CARHSP1: variants seen among roughly 807,000 people sequenced by gnomAD.
CARHSP1 encodes the protein calcium regulated heat stable protein 1.
Under a neutral mutation model 12.5 loss-of-function variants are expected in CARHSP1, and 14 were observed. That is an observed-to-expected ratio of 1.12 (90% confidence interval 0.74 to 1.75). The LOEUF is 1.75. Among genes scored for constraint, CARHSP1 ranks in the 40% most tolerant of loss-of-function variants. CARHSP1 has a pLI of 0.00. For missense variants in CARHSP1, 343 were observed against 201.6 expected (o/e 1.70, Z -4.25); for synonymous variants, 161 against 82.0 (o/e 1.96, Z -5.20).
chr16:8,856,416 T>C (rs2437704), intron 3 of CARHSP1, among the ~76,000 whole-genome samples: 106,415 of 152,128 alleles, frequency 0.7, 37,324 homozygotes, highest in Admixed American at 0.75. Context: ...ATCTGCAGCC[T>C]ACTTCCAGCA....
At chr16:8,859,452 A>G in intron 1 of CARHSP1, 117 bp from the exon 2 acceptor site, 3 of 901,664 alleles carry the variant, frequency 3.3e-6, no homozygotes, top group Middle Eastern at 3.0e-4. Flanking sequence ...CGGGCACCTC[A>G]GCACCATTGT....
rs183666666 is a variant in CARHSP1, at chr16:8,854,064, A to G, written c.*1100T>C. On this transcript the variant is annotated 3_prime_UTR_variant, in exon 4 of 4. Transcript: ENST00000311052. Reference sequence around the variant, plus strand: ...GGGCCACTGCACTCCAGCCTGGGTGACAGAATGAGACTCAGTCTCCCACCC... The same window carrying G: ...GGGCCACTGCACTCCAGCCTGGGTGGCAGAATGAGACTCAGTCTCCCACCC... 3 of 152,180 alleles carry G rather than the reference A, an allele frequency of 2.0e-5. No homozygotes were observed. The highest frequency in any genetic ancestry group is 4.4e-5 in the Non-Finnish European group (3 of 68,028). 9.4% of individuals were successfully genotyped at this position (152,180 alleles called of 1,614,324 possible). A position where few individuals can be genotyped will look rare whatever the true frequency, so the allele number is the denominator to read the frequency against.
At position 8,856,572 on chromosome 16, in the gene CARHSP1, A is replaced by G. The variant is rs867060283; in HGVS notation, c.282-1246T>C. ...ATCCATGTATGCATGCATATGTGAA[A>G]TGCGTCACCTTGGTATTCTCCTGCC... On this transcript the variant is annotated intron_variant, in intron 3 of 3. Coordinates refer to ENST00000311052, the MANE Select transcript of CARHSP1 (RefSeq NM_014316.4). Among the ~76,000 whole-genome samples the G allele has an allele frequency of 6.3e-5, 9 of 143,986 alleles. No individual in the cohort carries two copies. In the South Asian group the frequency reaches 2.2e-3, roughly 35 times the overall value. The allele number at this position is 143,986 out of a possible 152,430, so 94.5% of individuals were successfully genotyped here.
intron 2 of CARHSP1, 31 bp from the exon 3 acceptor site, chr16:8,858,503 C>T (rs1211011757): frequency 2.5e-6 from 4 of 1,609,138 alleles, no homozygotes; most frequent in South Asian, 2.2e-5. Flanking sequence ...TCAGGGGCCC[C>T]ATCAGCGCTC....
intron 1 of CARHSP1, among the ~76,000 whole-genome samples, chr16:8,862,345 C>G (rs2061380649): frequency 6.6e-6 from 1 of 152,138 alleles, no homozygotes; most frequent in Admixed American, 6.5e-5. Flanking sequence ...ACTGGGCACA[C>G]TGTCCGCCCA....
chr16:8,859,445 G>A lies in CARHSP1; in HGVS notation c.-7-110C>T, dbSNP rs1341631448. On this transcript the variant is annotated intron_variant, in intron 1 of 3. Transcript: ENST00000311052. ...AGTATCTGAGGCTCATTCCTCTCGG[G>A]CACCTCAGCACCATTGTCACCTTGT... 6.5e-6 allele frequency: 6 copies of A among 929,748 alleles called. No homozygotes were observed. In the Admixed American group the frequency reaches 1.1e-4, roughly 17 times the overall value. 57.6% of individuals were successfully genotyped at this position (929,748 alleles called of 1,614,324 possible). A position where few individuals can be genotyped will look rare whatever the true frequency, so the allele number is the denominator to read the frequency against.
chr16:8,855,569 A>T (rs528848309), intron 3 of CARHSP1, among the ~76,000 whole-genome samples: 8 of 152,320 alleles, frequency 5.3e-5, no homozygotes, highest in Non-Finnish European at 7.4e-5. Context: ...TGATGCTGGA[A>T]CTGAAAGAGT....
intron 1 of CARHSP1, among the ~76,000 whole-genome samples, chr16:8,862,332 A>G (rs2061380172): frequency 6.6e-6 from 1 of 152,028 alleles, no homozygotes; most frequent in Admixed American, 6.5e-5. Flanking sequence ...ATACACACTA[A>G]GCACTGGGCA....
chr16:8,867,096 C>T (rs968758137), intron 1 of CARHSP1, among the ~76,000 whole-genome samples: 16 of 152,168 alleles, frequency 1.1e-4, no homozygotes, highest in African/African-American at 3.9e-4. Context: ...CCGCCACCAC[C>T]CACCTGGGAC....
At chr16:8,855,943 G>A (rs1014745903) in intron 3 of CARHSP1, among the ~76,000 whole-genome samples, 10 of 152,128 alleles carry the variant, frequency 6.6e-5, no homozygotes, top group Non-Finnish European at 4.4e-5. Context: ...CCTCAGCCAA[G>A]TATCTGGGAC....
In CARHSP1 at chr16:8,855,055, G is replaced by A; in HGVS notation, c.*109C>T. ...CCAGGAGATACTTGAGAGGGACCAT[G>A]CCCGGCTGAAGCCCCGTCTCGTGTG... On this transcript the variant is annotated 3_prime_UTR_variant, in exon 4 of 4. Coordinates refer to ENST00000311052, the MANE Select transcript of CARHSP1 (RefSeq NM_014316.4). The A allele has an allele frequency of 1.1e-6, 1 of 902,296 alleles. No homozygotes were observed. Among genetic ancestry groups the A allele is most frequent in the Non-Finnish European group, 1.5e-6 (1 of 650,674 alleles). 55.9% of individuals were successfully genotyped at this position (902,296 alleles called of 1,614,324 possible). A position where few individuals can be genotyped will look rare whatever the true frequency, so the allele number is the denominator to read the frequency against.
At chr16:8,866,277 G>A (rs2061453339) in intron 1 of CARHSP1, 1 of 231,622 alleles carries the variant, frequency 4.3e-6, no homozygotes, top group South Asian at 1.6e-4. Context: ...GGCGCTCCCA[G>A]TGAGGCAGCT....
intron 1 of CARHSP1, among the ~76,000 whole-genome samples, chr16:8,863,112 C>CTTTTGTTTTTTGTTTTTTTTTTTT (rs2061395627): frequency 1.3e-5 from 1 of 74,130 alleles, no homozygotes; most frequent in African/African-American, 5.8e-5. Flanking sequence ...ACAAGGATGG[C>CTTTTGTTTTTTGTTTTTTTTTTTT]TTTTTTTTTT....
At chr16:8,856,184 C>T (rs1181773394) in intron 3 of CARHSP1, among the ~76,000 whole-genome samples, 1 of 152,180 alleles carries the variant, frequency 6.6e-6, no homozygotes, top group African/African-American at 2.4e-5. Flanking sequence ...GTGACCACCC[C>T]CAGGAAGGTT....
chr16:8,867,238 G>C (rs1174679356), intron 1 of CARHSP1: 1 of 152,010 alleles, frequency 6.6e-6, no homozygotes, highest in Admixed American at 6.6e-5. Context: ...TTCTCGGGGG[G>C]CTTTGGCTCA....
Position 8,853,054 on chromosome 16 carries a change from C to T in CARHSP1, c.*2110G>A, listed in dbSNP as rs913273210. On this transcript the variant is annotated 3_prime_UTR_variant, in exon 4 of 4. Transcript: ENST00000311052. Reference sequence around the variant, plus strand: ...CGCTCTGTCACCAAAACCCTCCGTCCCTCCCAGAGCCTCGAGGAGTTTCCC... The same window carrying T: ...CGCTCTGTCACCAAAACCCTCCGTCTCTCCCAGAGCCTCGAGGAGTTTCCC... 2.0e-5 allele frequency: 3 copies of T among 152,130 alleles called. No homozygotes were observed. Among genetic ancestry groups the T allele is most frequent in the African/African-American group, 7.2e-5 (3 of 41,424 alleles). The allele number at this position is 152,130 out of a possible 1,614,324, so 9.4% of individuals were successfully genotyped here.
chr16:8,854,178 A>G lies in CARHSP1; in HGVS notation c.*986T>C, dbSNP rs1158745175. 2.6e-5 allele frequency: 4 copies of G among 152,002 alleles called. No homozygotes were observed. The East Asian group carries it at 7.7e-4, about 29-fold the overall frequency. 9.4% of individuals were successfully genotyped at this position (152,002 alleles called of 1,614,324 possible). On this transcript the variant is annotated 3_prime_UTR_variant, in exon 4 of 4. Transcript: ENST00000311052. ...AGTTATGAAAAATAAGAAAAAAAAAATCCCTAAGCATTTCTTAACACTAGT... is the reference window on the plus strand; with the variant it reads ...AGTTATGAAAAATAAGAAAAAAAAAGTCCCTAAGCATTTCTTAACACTAGT...
At chr16:8,863,236 C>T (rs2061399031) in intron 1 of CARHSP1, among the ~76,000 whole-genome samples, 1 of 151,722 alleles carries the variant, frequency 6.6e-6, no homozygotes, top group South Asian at 2.1e-4. Context: ...ATCCGCCCAC[C>T]CCAGCCTCCT....
At chr16:8,857,198 A>C (rs1370230048) in intron 3 of CARHSP1, among the ~76,000 whole-genome samples, 3 of 148,154 alleles carry the variant, frequency 2.0e-5, no homozygotes, top group African/African-American at 7.5e-5. Flanking sequence ...GTCTCCCACA[A>C]GCATAGTCGG....
Sources: gnomAD v4.1 joint callset for allele counts (sites outside exome capture counted in the v4.1 genomes callset) on GRCh38, gnomAD v4.1.1 for gene constraint, MANE v1.5 for transcripts, NCBI Gene and HGNC (gene_info 2026-07-23, HGNC 2026-07-21) for gene names.